The following CCDC141 variants were observed in gnomAD, a reference collection of about 807,000 sequenced individuals.
CCDC141 encodes coiled-coil domain-containing protein 141.
A neutral mutation model predicts 181.0 loss-of-function variants in CCDC141; 168 were observed. The ratio of observed to expected loss-of-function variants is 0.93; its 90% CI spans 0.82 to 1.05. The LOEUF (loss-of-function observed/expected upper bound fraction) is 1.05. Among genes scored for constraint, CCDC141 ranks in the 50% least tolerant of loss-of-function variants. CCDC141 has a pLI of 0.00. For missense variants in CCDC141, 1,902 were observed against 1,788.5 expected, an observed-to-expected ratio of 1.06 and a Z score of -1.14; for synonymous variants, 666 against 642.3, an observed-to-expected ratio of 1.04 and a Z score of -0.56.
intron 11 of CCDC141, among the ~76,000 whole-genome samples, chr2:178,882,972 T>C (rs909450533): frequency 6.6e-6 from 1 of 151,842 alleles, no homozygotes; most frequent in African/African-American, 2.4e-5. Context: ...ATTGCCAGGA[T>C]TGGAAGGATG....
chr2:178,850,488 C>T (rs1685117342), intron 20 of CCDC141, among the ~76,000 whole-genome samples: 1 of 152,160 alleles, frequency 6.6e-6, no homozygotes, highest in Non-Finnish European at 1.5e-5. Context: ...GAATAAATTC[C>T]TCAGGATGGC....
intron 4 of CCDC141, among the ~76,000 whole-genome samples, chr2:178,964,042 G>C (rs1410952853): frequency 2.0e-5 from 3 of 152,172 alleles, no homozygotes; most frequent in African/African-American, 7.2e-5. Context: ...GAAAAGATCT[G>C]TCTGTTCAGA....
chr2:178,887,900 AT>A (rs1330288782), intron 9 of CCDC141, among the ~76,000 whole-genome samples: 3 of 152,112 alleles, frequency 2.0e-5, no homozygotes, highest in Non-Finnish European at 2.9e-5. Flanking sequence ...AAGATAAATA[AT>A]TTTTTTATTT....
Position 178,878,132 on chromosome 2 carries a change from C to A in CCDC141, c.1731G>T (p.Gln577His). The change falls in exon 12 of 24, where the codon CAG (glutamine) becomes CAT (histidine). Residue 577 changes from glutamine to histidine, a missense_variant. Gln to His is a conservative substitution (Grantham distance 24, BLOSUM62 0). Coordinates refer to ENST00000443758, the MANE Select transcript of CCDC141 (RefSeq NM_173648.4). ...CATAAAATTCTTTTAAGCTCTGAAA[C>A]TGCATCTCTACCTAAAAAAGAAAAA... ...FLKSSEEVEM[Q>H]FQSLKEFYET... 6.3e-7 allele frequency: 1 copy of A among 1,599,166 alleles called. No individual in the cohort carries two copies. Among genetic ancestry groups the A allele is most frequent in the Non-Finnish European group, 8.5e-7 (1 of 1,176,488 alleles).
At position 178,888,576 on chromosome 2, in the gene CCDC141, G is replaced by A. The variant is rs1183814752; in HGVS notation, c.1358C>T (p.Ala453Val). ...TEQCSAHKEY[A>V]LKKQQLTASV... ...GGCTGTTAGTTGTTGTTTCTTAAGA[G>A]CATATTCCTTGTGCGCTGAACACTG... Residue 453 changes from alanine to valine, a missense_variant, in exon 9 of 24, where the codon GCT (alanine) becomes GTT (valine). Transcript: ENST00000443758. 6.4e-7 allele frequency: 1 copy of A among 1,550,548 alleles called. No homozygotes were observed. The highest frequency in any genetic ancestry group is 1.2e-5 in the South Asian group (1 of 84,062).
chr2:178,877,963 C>A lies in CCDC141; in HGVS notation c.1899+1G>T. On this transcript the variant is annotated splice_donor_variant, in intron 12 of 23. Coordinates refer to ENST00000443758, the MANE Select transcript of CCDC141 (RefSeq NM_173648.4). LOFTEE classifies it high-confidence loss of function. ...TGTGATCCATTTAATGCCATTCTTA[C>A]CATATTTATTAAATTAAGGAACTCA... is the stretch of plus-strand genomic sequence containing the variant. 6.2e-7 allele frequency: 1 copy of A among 1,610,568 alleles called. No individual in the cohort carries two copies. The highest frequency in any genetic ancestry group is 1.7e-5 in the Admixed American group (1 of 59,912).
Position 178,898,179 on chromosome 2 carries a change from G to C in CCDC141, c.1265+7150C>G, listed in dbSNP as rs542577397. On this transcript the variant is annotated intron_variant, in intron 8 of 23. Coordinates refer to ENST00000443758, the MANE Select transcript of CCDC141 (RefSeq NM_173648.4). ...GATTAATGTATGTTTCATAAGACTG[G>C]GTTAGTTCTCTCAGGAATAGATTAG... Among the ~76,000 whole-genome samples, 61 of 152,246 alleles carry C rather than the reference G, an allele frequency of 4.0e-4. 1 individual carries two copies. Among genetic ancestry groups the C allele is most frequent in the South Asian group, 3.5e-3 (17 of 4,822 alleles).
chr2:178,837,792 T>A, intron 22 of CCDC141, 48 bp from the exon 23 acceptor site: 1 of 1,546,150 alleles, frequency 6.5e-7, no homozygotes, highest in South Asian at 1.3e-5. Flanking sequence ...ATTTTTCTTT[T>A]TCCAGTTTCA....
rs866958374 is a variant in CCDC141 at position 178,833,868 on chromosome 2, C to T, written c.*305G>A. On this transcript the variant is annotated 3_prime_UTR_variant, in exon 24 of 24. Transcript: ENST00000443758. ...ATGCCGATGTCAGCCTTCATCTGCA[C>T]GCCCTTAAATTAGGAGGGAATAGGC... The T allele has an allele frequency of 1.9e-5, 5 of 257,508 alleles. No homozygotes were observed. The highest frequency in any genetic ancestry group is 7.8e-5 in the East Asian group (1 of 12,830). The allele number at this position is 257,508 out of a possible 1,614,324, so 16.0% of individuals were successfully genotyped here. A position where few individuals can be genotyped will look rare whatever the true frequency, so the allele number is the denominator to read the frequency against.
intron 1 of CCDC141, 79 bp downstream of exon 1, chr2:179,049,761 G>T: frequency 6.8e-7 from 1 of 1,461,520 alleles, no homozygotes; most frequent in Non-Finnish European, 9.4e-7. Context: ...CCTGCCGATT[G>T]CATGGAATGT....
chr2:179,000,385 A>G lies in CCDC141; in HGVS notation c.226-21710T>C, dbSNP rs115249524. 8.8e-3 allele frequency among the ~76,000 whole-genome samples: 1,337 copies of G among 152,252 alleles called. 17 individuals carry two copies. The highest frequency in any genetic ancestry group is 0.031 in the African/African-American group (1,281 of 41,546). The stretch of plus-strand genomic sequence containing the variant: ...CAACAGCCTAGTCTAAATAGTTGCA[A>G]CTCACAGAGTAATATGATTCTAAAA... On this transcript the variant is annotated intron_variant, in intron 2 of 23. Coordinates refer to ENST00000443758, the MANE Select transcript of CCDC141 (RefSeq NM_173648.4).
intron 5 of CCDC141, among the ~76,000 whole-genome samples, chr2:178,945,034 G>T (rs1417554281): frequency 5.3e-5 from 8 of 152,096 alleles, no homozygotes; most frequent in Non-Finnish European, 2.9e-5. Context: ...AAACCCATAT[G>T]AAGATATTAA....
intron 4 of CCDC141, among the ~76,000 whole-genome samples, chr2:178,962,671 T>TCA (rs945300660): frequency 6.6e-6 from 1 of 150,838 alleles, no homozygotes; most frequent in East Asian, 1.9e-4. Context: ...TCTGTCTCTC[T>TCA]CACACACACA....
At chr2:178,989,278 T>C (rs1346430769) in intron 2 of CCDC141, among the ~76,000 whole-genome samples, 1 of 152,090 alleles carries the variant, frequency 6.6e-6, no homozygotes, top group Non-Finnish European at 1.5e-5. Context: ...ATTCAGAATA[T>C]ACAAAGAGCT....
At chr2:178,871,125 G>C (rs1446393709) in intron 14 of CCDC141, among the ~76,000 whole-genome samples, 1 of 152,104 alleles carries the variant, frequency 6.6e-6, no homozygotes, top group Admixed American at 6.6e-5. Context: ...CCAAGGAAAA[G>C]AATTAGAGTG....
intron 6 of CCDC141, among the ~76,000 whole-genome samples, 157 bp from the exon 7 acceptor site, chr2:178,919,064 T>C (rs987377724): frequency 6.6e-6 from 1 of 152,194 alleles, no homozygotes; most frequent in Non-Finnish European, 1.5e-5. Context: ...GAAAGAGGCC[T>C]GAGAGGGCTG....
At chr2:178,860,543 CTTTTTT>C (rs71023458) in intron 17 of CCDC141, among the ~76,000 whole-genome samples, 168 of 51,336 alleles carry the variant, frequency 3.3e-3, no homozygotes, top group African/African-American at 0.013. Flanking sequence ...AAAAACAACA[CTTTTTT>C]TTTTTTTTTT....
intron 3 of CCDC141, among the ~76,000 whole-genome samples, chr2:178,977,992 C>T (rs549714066): frequency 1.3e-5 from 2 of 152,222 alleles, no homozygotes; most frequent in East Asian, 1.9e-4. Flanking sequence ...CAACTATACG[C>T]CTTAGGAAAG....
At chr2:178,915,222 G>A (rs1415967340) in intron 7 of CCDC141, among the ~76,000 whole-genome samples, 1 of 151,918 alleles carries the variant, frequency 6.6e-6, no homozygotes, top group East Asian at 1.9e-4. Flanking sequence ...AGGGGGAAGA[G>A]GGACTCCTCA....
Sources: gnomAD v4.1 joint callset for allele counts (sites outside exome capture counted in the v4.1 genomes callset) on GRCh38, gnomAD v4.1.1 for gene constraint, MANE v1.5 for transcripts, NCBI Gene and HGNC (gene_info 2026-07-23, HGNC 2026-07-21) for gene names.